The following RNF2 variants were observed in gnomAD, a reference collection of about 807,000 sequenced individuals.
RNF2 encodes the protein E3 ubiquitin-protein ligase RING2.
Under a neutral mutation model 37.2 loss-of-function variants are expected in RNF2, and 6 were observed. The ratio of observed to expected loss-of-function variants is 0.16; its 90% confidence interval spans 0.09 to 0.32. RNF2 has a LOEUF of 0.32. Ranked by LOEUF, RNF2 falls within the 10% of genes least tolerant of loss-of-function variation. RNF2 has a pLI of 1.00. For synonymous variants in RNF2, 133 were observed against 132.7 expected (o/e 1.00, Z -0.02); for missense variants, 251 against 404.0 (o/e 0.62, Z 3.25).
intron 1 of RNF2, among the ~76,000 whole-genome samples, chr1:185,051,683 A>G (rs1041950877): frequency 1.7e-4 from 26 of 149,756 alleles, no homozygotes; most frequent in Non-Finnish European, 3.3e-4. Context: ...CTATAACCCT[A>G]CTTGTCACAA....
At chr1:185,090,228 T>C (rs1159554329) in intron 2 of RNF2, among the ~76,000 whole-genome samples, 1 of 152,130 alleles carries the variant, frequency 6.6e-6, no homozygotes, top group Non-Finnish European at 1.5e-5. Context: ...CCGAGGCTGG[T>C]GAAATTTTTA....
intron 1 of RNF2, among the ~76,000 whole-genome samples, chr1:185,082,634 C>T (rs1379577638): frequency 6.6e-6 from 1 of 151,982 alleles, no homozygotes; most frequent in Non-Finnish European, 1.5e-5. Flanking sequence ...GGGTTACAGG[C>T]GTGAGCCACC....
At chr1:185,054,513 C>T (rs1185377134) in intron 1 of RNF2, among the ~76,000 whole-genome samples, 1 of 152,064 alleles carries the variant, frequency 6.6e-6, no homozygotes, top group Non-Finnish European at 1.5e-5. Flanking sequence ...GCCGGCCAGA[C>T]GCCGGCTCTT....
chr1:185,057,005 T>C (rs1650452217), intron 1 of RNF2, among the ~76,000 whole-genome samples: 1 of 152,142 alleles, frequency 6.6e-6, no homozygotes, highest in Admixed American at 6.5e-5. Context: ...TAGATCTAAA[T>C]TTATGTGTGT....
At chr1:185,095,996 T>C (rs1048253742) in intron 4 of RNF2, among the ~76,000 whole-genome samples, 2 of 152,216 alleles carry the variant, frequency 1.3e-5, no homozygotes, top group Non-Finnish European at 2.9e-5. Flanking sequence ...TAATGTTCTT[T>C]ATATGAACAT....
chr1:185,100,371 C>A lies in RNF2; in HGVS notation c.*70C>A. 2 of 1,009,162 alleles carry A rather than the reference C, an allele frequency of 2.0e-6. No homozygotes were observed. The highest frequency in any genetic ancestry group is 1.5e-5 in the South Asian group (1 of 66,276). The allele number at this position is 1,009,162 out of a possible 1,614,324, so 62.5% of individuals were successfully genotyped here. ...TTCTTTAATATTAAAGATGTACTGG[C>A]ATTACTTTTATGGACAGATCTTGGA... On this transcript the variant is annotated 3_prime_UTR_variant, in exon 7 of 7. Transcript: ENST00000367510.
intron 1 of RNF2, among the ~76,000 whole-genome samples, chr1:185,063,149 T>G (rs2102163235): frequency 6.6e-6 from 1 of 152,366 alleles, no homozygotes; most frequent in East Asian, 1.9e-4. Flanking sequence ...GAGTGAATTC[T>G]GAGCAATGTC....
chr1:185,052,128 T>C (rs1650290574), intron 1 of RNF2, among the ~76,000 whole-genome samples: 1 of 152,134 alleles, frequency 6.6e-6, no homozygotes, highest in African/African-American at 2.4e-5. Flanking sequence ...ATATCTGTTC[T>C]TCCTTCAGAC....
At chr1:185,072,880 C>T (rs1651027168) in intron 1 of RNF2, among the ~76,000 whole-genome samples, 1 of 152,100 alleles carries the variant, frequency 6.6e-6, no homozygotes, top group Non-Finnish European at 1.5e-5. Flanking sequence ...ATGGAAGTTG[C>T]AGTGAGCCGA....
At chr1:185,073,246 A>G (rs186004188) in intron 1 of RNF2, among the ~76,000 whole-genome samples, 4 of 152,168 alleles carry the variant, frequency 2.6e-5, no homozygotes, top group African/African-American at 9.6e-5. Flanking sequence ...GCATATGCTT[A>G]TTCTATCCCT....
At chr1:185,098,411 C>A in intron 5 of RNF2, 67 bp downstream of exon 5, 1 of 1,541,402 alleles carries the variant, frequency 6.5e-7, no homozygotes, top group Non-Finnish European at 8.8e-7. Context: ...AAAAGGCAGT[C>A]TTGTATAAGA....
In RNF2 at chr1:185,069,382, A is replaced by ATGGG. The variant is rs561649631; in HGVS notation, c.-2-18170_-2-18169insTGGG. On this transcript the variant is annotated intron_variant, in intron 1 of 6. Transcript: ENST00000367510. ...TAAGACGGGAGGATTGCCTGAGCCC[A>ATGGG]GGAGGTCAAGGCTGTGGTGAGCCAT... 2.1e-4 allele frequency among the ~76,000 whole-genome samples: 32 copies of ATGGG among 151,762 alleles called. No homozygotes were observed. In the South Asian group the frequency reaches 6.5e-3, roughly 31 times the overall value.
intron 1 of RNF2, among the ~76,000 whole-genome samples, chr1:185,061,880 A>G (rs1337874301): frequency 6.6e-6 from 1 of 152,222 alleles, no homozygotes; most frequent in Non-Finnish European, 1.5e-5. Flanking sequence ...CTTAACATAA[A>G]GGTTTAAATT....
intron 1 of RNF2, among the ~76,000 whole-genome samples, chr1:185,055,463 C>T (rs1285343729): frequency 6.6e-6 from 1 of 152,106 alleles, no homozygotes; most frequent in Non-Finnish European, 1.5e-5. Flanking sequence ...CTTTGCTCCT[C>T]AGGCTGGAGT....
intron 1 of RNF2, among the ~76,000 whole-genome samples, chr1:185,075,217 C>T (rs925946258): frequency 1.2e-4 from 19 of 152,074 alleles, no homozygotes; most frequent in Admixed American, 2.0e-4. Context: ...TGGTTTCGAA[C>T]TTCTGACCTC....
chr1:185,090,431 T>C (rs1326921171), intron 2 of RNF2, among the ~76,000 whole-genome samples: 1 of 152,206 alleles, frequency 6.6e-6, no homozygotes, highest in Non-Finnish European at 1.5e-5. Flanking sequence ...AGTGATAGTT[T>C]CCTAAATCAA....
chr1:185,095,662 ATATT>A (rs1394164356), intron 4 of RNF2, among the ~76,000 whole-genome samples: 5 of 152,176 alleles, frequency 3.3e-5, no homozygotes, highest in African/African-American at 1.2e-4. Flanking sequence ...TGCTCAGTAA[ATATT>A]TATCTATGTG....
At chr1:185,084,652 C>T (rs1171588381) in intron 1 of RNF2, among the ~76,000 whole-genome samples, 2 of 152,114 alleles carry the variant, frequency 1.3e-5, no homozygotes, top group Non-Finnish European at 2.9e-5. Flanking sequence ...GCTGTATTAT[C>T]TTTGATGTGC....
chr1:185,079,665 C>A (rs146295513), intron 1 of RNF2, among the ~76,000 whole-genome samples: 2,007 of 152,220 alleles, frequency 0.013, 35 homozygotes, highest in African/African-American at 0.046. Flanking sequence ...TGTGGTGGCT[C>A]ACGCCTGTAA....
Sources: allele counts gnomAD v4.1 joint callset (sites outside exome capture counted in the v4.1 genomes callset), GRCh38; gene constraint gnomAD v4.1.1; transcripts MANE v1.5; gene names NCBI Gene and HGNC (gene_info 2026-07-23, HGNC 2026-07-21).